Variants in POLR1D observed in about 807,000 individuals in gnomAD.
The protein encoded by POLR1D is RNA polymerase I and III subunit D.
A neutral mutation model predicts 10.8 loss-of-function variants in POLR1D; 8 were observed. That is an observed-to-expected ratio of 0.74 (90% confidence interval 0.43 to 1.33). The LOEUF is 1.33. Ranked by LOEUF, POLR1D falls within the 40% of genes most tolerant of loss-of-function variation. POLR1D has a pLI of 0.01. For missense variants in POLR1D, 152 were observed against 161.7 expected, an observed-to-expected ratio of 0.94 and a Z score of 0.32; for synonymous variants, 54 against 57.2, an observed-to-expected ratio of 0.94 and a Z score of 0.25.
downstream of POLR1D, among the ~76,000 whole-genome samples, chr13:27,627,135 T>C (rs1956019002): frequency 6.6e-6 from 1 of 152,194 alleles, no homozygotes; most frequent in African/African-American, 2.4e-5. Context: ...AACTGGTCTC[T>C]TAGGAAGTTT....
At chr13:27,626,206 G>A (rs116894499), downstream of POLR1D, among the ~76,000 whole-genome samples, 164 of 152,300 alleles carry the variant, frequency 1.1e-3, no homozygotes, top group Non-Finnish European at 1.9e-3. Context: ...TACTTACCTG[G>A]AGTTTAATTC....
In POLR1D at chr13:27,623,067, C is replaced by G; in HGVS notation, c.219C>G (p.Thr73=). 6.2e-7 allele frequency: 1 copy of G among 1,614,028 alleles called. No individual in the cohort carries two copies. Among genetic ancestry groups the G allele is most frequent in the South Asian group, 1.1e-5 (1 of 91,066 alleles). ...TGGAATTTTGTGGTTACACTACGAC[C>G]CATCCTTCAGAGAGCAAAATTAATT... The part of the protein sequence containing the change: ...PEVEFCGYTT[T]HPSESKINLR... The change falls in exon 2 of 2, where the codon ACC becomes ACG. Residue 73 remains threonine, a synonymous_variant. Coordinates refer to ENST00000302979, the MANE Select transcript of POLR1D (RefSeq NM_015972.4).
At chr13:27,621,787 G>A (rs1955926411), upstream of POLR1D, 2 of 437,136 alleles carry the variant, frequency 4.6e-6, no homozygotes, top group South Asian at 5.6e-5. Flanking sequence ...GCGTCGGGGC[G>A]GGGGCTGGGG....
chr13:27,636,676 G>C (rs1045508931), intron 1 of POLR1D, among the ~76,000 whole-genome samples: 3 of 152,172 alleles, frequency 2.0e-5, no homozygotes, highest in Non-Finnish European at 2.9e-5. Context: ...CTTGGTAAGC[G>C]TAAGAGTGTA....
chr13:27,648,363 T>C, intron 1 of POLR1D: 1 of 1,558,750 alleles, frequency 6.4e-7, no homozygotes, highest in Non-Finnish European at 8.8e-7. Context: ...TCAAATCTTT[T>C]CCTTTTTCTT....
At chr13:27,637,362 G>A (rs1476217372) in intron 1 of POLR1D, among the ~76,000 whole-genome samples, 1 of 152,150 alleles carries the variant, frequency 6.6e-6, no homozygotes, top group African/African-American at 2.4e-5. Context: ...CTGTAAGAAT[G>A]TGTTTGCATT....
rs565924920 is a variant in POLR1D at position 27,639,469 on chromosome 13, G to A, written c.27-8910G>A. Among the ~76,000 whole-genome samples the A allele has an allele frequency of 3.3e-5, 5 of 152,128 alleles. No individual in the cohort carries two copies. In the East Asian group the frequency reaches 9.7e-4, roughly 29 times the overall value. Reference sequence around the variant, plus strand: ...CACAAAGTTATTTTCAGTAAGAGGGGCCTTTCTTCATAGCTTATATAAAAA... The same window carrying A: ...CACAAAGTTATTTTCAGTAAGAGGGACCTTTCTTCATAGCTTATATAAAAA... On this transcript the variant is annotated intron_variant, in intron 1 of 2. Coordinates refer to the POLR1D transcript ENST00000399697.
chr13:27,641,383 T>G (rs1259179598), intron 1 of POLR1D, among the ~76,000 whole-genome samples: 1 of 152,228 alleles, frequency 6.6e-6, no homozygotes, highest in Non-Finnish European at 1.5e-5. Flanking sequence ...TTAATTTATA[T>G]GAAAATCTTG....
At chr13:27,622,788 G>GA (rs1955961419) in intron 1 of POLR1D, 87 bp from the exon 2 acceptor site, 2 of 803,372 alleles carry the variant, frequency 2.5e-6, no homozygotes, top group South Asian at 3.1e-5. Flanking sequence ...ATAATAATGT[G>GA]TTGCAATGTG....
At chr13:27,642,295 C>G (rs1340113900) in intron 1 of POLR1D, among the ~76,000 whole-genome samples, 1 of 152,138 alleles carries the variant, frequency 6.6e-6, no homozygotes, top group East Asian at 1.9e-4. Flanking sequence ...CCAGCTCTGC[C>G]TCATTCTGTG....
intron 1 of POLR1D, among the ~76,000 whole-genome samples, chr13:27,635,828 A>T (rs1000662268): frequency 6.6e-6 from 1 of 151,528 alleles, no homozygotes; most frequent in African/African-American, 2.4e-5. Flanking sequence ...TGTGACCTTG[A>T]ATATCACAGG....
rs200891022 is a variant in POLR1D at position 27,621,957 on chromosome 13, C to A, written c.-27C>A. The A allele has an allele frequency of 5.4e-5, 86 of 1,587,204 alleles. No individual in the cohort carries two copies. The African/African-American group carries it at 1.1e-3, about 20-fold the overall frequency. ...CAGAGCCCCCGATCCGCCAGCACCA[C>A]CTGAGGATCCAGAAACCGCCCCAGC... On this transcript the variant is annotated 5_prime_UTR_variant, in exon 1 of 2. Coordinates refer to ENST00000302979, the MANE Select transcript of POLR1D (RefSeq NM_015972.4).
intron 1 of POLR1D, among the ~76,000 whole-genome samples, chr13:27,639,646 T>C (rs1322700623): frequency 6.6e-6 from 1 of 152,240 alleles, no homozygotes; most frequent in Non-Finnish European, 1.5e-5. Context: ...AGGTGTCTTA[T>C]GAACTGAGAA....
chr13:27,648,657 A>G (rs1956241735), intron 2 of POLR1D, among the ~76,000 whole-genome samples: 1 of 152,234 alleles, frequency 6.6e-6, no homozygotes, highest in African/African-American at 2.4e-5. Flanking sequence ...GCAGGCGCCT[A>G]TGGAGGATAC....
At chr13:27,660,322 T>C (rs921901275) in intron 2 of POLR1D, among the ~76,000 whole-genome samples, 2 of 152,128 alleles carry the variant, frequency 1.3e-5, no homozygotes, top group African/African-American at 2.4e-5. Flanking sequence ...CCTACATCCA[T>C]GAGAGTGCAA....
At chr13:27,621,684 G>A (rs1955921923), upstream of POLR1D, 1 of 226,668 alleles carries the variant, frequency 4.4e-6, no homozygotes, top group Non-Finnish European at 8.5e-6. Flanking sequence ...TCGGGGTAAG[G>A]CGGCGCTGGC....
At chr13:27,666,120 CA>C in exon 3 of POLR1D, 1 of 630,484 alleles carries the variant, frequency 1.6e-6, no homozygotes, top group Non-Finnish European at 2.7e-6. Context: ...AATGACCTAG[CA>C]ACTCTTGAGG....
intron 1 of POLR1D, among the ~76,000 whole-genome samples, chr13:27,647,550 A>G (rs9512776): frequency 0.15 from 22,795 of 151,990 alleles, 1,866 homozygotes; most frequent in African/African-American, 0.2. Context: ...TATGTAATAT[A>G]TATGTAAATA....
intron 1 of POLR1D, among the ~76,000 whole-genome samples, chr13:27,630,017 T>G (rs1435901370): frequency 6.6e-6 from 1 of 152,122 alleles, no homozygotes; most frequent in Non-Finnish European, 1.5e-5. Context: ...GTTCAAGAGA[T>G]TCTTCTGCCT....
Sources: gnomAD v4.1 joint callset for allele counts (sites outside exome capture counted in the v4.1 genomes callset) on GRCh38, gnomAD v4.1.1 for gene constraint, MANE v1.5 for transcripts, NCBI Gene and HGNC (gene_info 2026-07-23, HGNC 2026-07-21) for gene names.